The following ZNF611 variants were observed in gnomAD, a reference collection of about 807,000 sequenced individuals.
The protein encoded by ZNF611 is zinc finger protein 611.
In ZNF611, 6 loss-of-function variants were observed where a neutral mutation model predicts 8.9. That is an observed-to-expected ratio of 0.68 (90% CI 0.37 to 1.34). The LOEUF (loss-of-function observed/expected upper bound fraction) is 1.34, where lower values mean the gene tolerates loss of function less well. Ranked by LOEUF, ZNF611 falls within the 40% of genes most tolerant of loss-of-function variation. ZNF611 has a pLI of 0.02. For missense variants in ZNF611, 874 were observed against 841.3 expected, an observed-to-expected ratio of 1.04 and a Z score of -0.48; for synonymous variants, 262 against 279.7, an observed-to-expected ratio of 0.94 and a Z score of 0.63.
Position 52,716,157 on chromosome 19 carries a change from G to A in ZNF611, c.-19-244C>T, listed in dbSNP as rs144553214. 3,461 of 454,470 alleles carry A rather than the reference G, an allele frequency of 7.6e-3. 90 individuals carry two copies. The highest frequency in any genetic ancestry group is 0.059 in the African/African-American group (3,032 of 51,052). The allele number at this position is 454,470 out of a possible 1,614,324, so 28.2% of individuals were successfully genotyped here. On this transcript the variant is annotated intron_variant, in intron 3 of 5. Transcript: ENST00000652185. The stretch of plus-strand genomic sequence containing the variant: ...ACACACGAGGCAGCAGTGGGGAGCT[G>A]GGCTGGACTGATCTCCCCTTCAGGG...
Position 52,706,608 on chromosome 19 carries a change from G to C in ZNF611, c.447C>G (p.Asn149Lys). The change falls in exon 6 of 6, where the codon AAC becomes AAG. Residue 149 changes from asparagine (N) to lysine (K), a missense_variant. Asn to Lys is a moderately conservative substitution (Grantham distance 94). Coordinates refer to ENST00000652185, the MANE Select transcript of ZNF611 (RefSeq NM_001161499.2). ...ATCCAAGCTGATCTTTAATAGGCTT[G>C]TTTCCAGCATGCCTGTGATCATGTT... ...TDQHDHRHAG[N>K]KPIKDQLGSS... The C allele has an allele frequency of 6.2e-7, 1 of 1,614,130 alleles. No individual in the cohort carries two copies. Among genetic ancestry groups the C allele is most frequent in the Non-Finnish European group, 8.5e-7 (1 of 1,179,994 alleles).
intron 3 of ZNF611, among the ~76,000 whole-genome samples, chr19:52,722,048 T>G (rs73576374): frequency 1.3e-5 from 2 of 151,670 alleles, no homozygotes; most frequent in Non-Finnish European, 2.9e-5. Context: ...AAAACTCCAC[T>G]GCAAAATAAT....
chr19:52,714,716 A>ACACG (rs2062304512), intron 4 of ZNF611, among the ~76,000 whole-genome samples: 1 of 40,360 alleles, frequency 2.5e-5, no homozygotes, highest in Non-Finnish European at 4.5e-5. Flanking sequence ...AAACAAAAAA[A>ACACG]CAATGCCGGG....
chr19:52,719,268 C>A (rs1265830866), intron 3 of ZNF611, among the ~76,000 whole-genome samples: 4 of 152,114 alleles, frequency 2.6e-5, no homozygotes, highest in Non-Finnish European at 4.4e-5. Flanking sequence ...AAAAAGAGAA[C>A]AAAAGCACTT....
At chr19:52,727,567 A>T (rs1568609435) in intron 3 of ZNF611, among the ~76,000 whole-genome samples, 1 of 151,994 alleles carries the variant, frequency 6.6e-6, no homozygotes, top group Non-Finnish European at 1.5e-5. Context: ...CTAACACAAA[A>T]ATTAGCTGGA....
In ZNF611 at chr19:52,706,547, A is replaced by T. The variant is rs759270801; in HGVS notation, c.508T>A (p.Phe170Ile). 14 of 1,614,038 alleles carry T rather than the reference A, an allele frequency of 8.7e-6. No individual in the cohort carries two copies. The highest frequency in any genetic ancestry group is 1.6e-4 in the Middle Eastern group (1 of 6,084). The stretch of plus-strand genomic sequence containing the variant: ...TTACCAATTTCACCTTTGATCTGAA[A>T]TATGTGGAGTTCAGGCAGATGTGAA... The part of the protein sequence containing the change: ...FYSHLPELHI[F>I]QIKGEIGNQL... The change falls in exon 6 of 6, where the codon TTT (phenylalanine) becomes ATT (isoleucine). Residue 170 changes from phenylalanine to isoleucine, a missense_variant. Coordinates refer to ENST00000652185, the MANE Select transcript of ZNF611 (RefSeq NM_001161499.2).
intron 1 of ZNF611, among the ~76,000 whole-genome samples, chr19:52,733,147 T>G (rs1021811709): frequency 6.6e-6 from 1 of 152,126 alleles, no homozygotes; most frequent in African/African-American, 2.4e-5. Context: ...ATTTATAGAA[T>G]GTACATGTCT....
At chr19:52,719,470 T>G (rs1391355612) in intron 3 of ZNF611, among the ~76,000 whole-genome samples, 1 of 152,194 alleles carries the variant, frequency 6.6e-6, no homozygotes, top group South Asian at 2.1e-4. Context: ...CATTATAAAA[T>G]GCACCACACT....
intron 3 of ZNF611, among the ~76,000 whole-genome samples, chr19:52,726,880 T>G (rs1229493709): frequency 1.3e-5 from 2 of 152,172 alleles, no homozygotes; most frequent in African/African-American, 4.8e-5. Context: ...TTCCTTTTAC[T>G]TTTGAGACAG....
intron 1 of ZNF611, among the ~76,000 whole-genome samples, chr19:52,734,182 CTTAGGT>C (rs2062442388): frequency 8.4e-6 from 1 of 118,688 alleles, no homozygotes; most frequent in Non-Finnish European, 1.7e-5. Context: ...CTCCTGCTTT[CTTAGGT>C]TTTTTTTTTT....
rs2062227712 is a variant in ZNF611 at position 52,704,796 on chromosome 19, T to C, written c.*141A>G. On this transcript the variant is annotated 3_prime_UTR_variant, in exon 6 of 6. Transcript: ENST00000652185. ...TGTAAGGTTTCTCTCCAGTGTGAAG[T>C]CCAGTATGTTGTTCCAGGTGTGAAT... 6.3e-7 allele frequency: 1 copy of C among 1,595,428 alleles called. No homozygotes were observed. The highest frequency in any genetic ancestry group is 1.1e-5 in the South Asian group (1 of 90,530).
Position 52,716,174 on chromosome 19 carries a change from C to T in ZNF611, c.-19-261G>A, listed in dbSNP as rs573741633. ...GGGGAGCTGGGCTGGACTGATCTCC[C>T]CTTCAGGGCACAGACTCATCCTTCA... On this transcript the variant is annotated intron_variant, in intron 3 of 5. Transcript: ENST00000652185. The T allele has an allele frequency of 2.5e-5, 10 of 393,402 alleles. 1 individual carries two copies. Among genetic ancestry groups the T allele is most frequent in the South Asian group, 2.5e-4 (6 of 24,362 alleles). 24.4% of individuals were successfully genotyped at this position (393,402 alleles called of 1,614,324 possible). A position where few individuals can be genotyped will look rare whatever the true frequency, so the allele number is the denominator to read the frequency against.
At chr19:52,734,453 C>T (rs896450525) in intron 1 of ZNF611, among the ~76,000 whole-genome samples, 12 of 150,986 alleles carry the variant, frequency 7.9e-5, no homozygotes, top group African/African-American at 2.7e-4. Flanking sequence ...GGGACCTCCC[C>T]AGTGCAGGTT....
intron 3 of ZNF611, among the ~76,000 whole-genome samples, chr19:52,719,456 C>T (rs1385024206): frequency 6.6e-6 from 1 of 152,102 alleles, no homozygotes; most frequent in Non-Finnish European, 1.5e-5. Context: ...GCCTCTGATG[C>T]CATCATTATA....
intron 3 of ZNF611, among the ~76,000 whole-genome samples, chr19:52,722,493 G>A (rs1344296420): frequency 6.6e-6 from 1 of 152,054 alleles, no homozygotes. Flanking sequence ...CTGGGAAAAG[G>A]GAAGAAACTG....
rs1234952817 is a variant in ZNF611, at chr19:52,715,862, T to C, written c.33A>G (p.Lys11=). ...GAAGAGCCATGCCTGGCTCCTTTCC[T>C]TTCCTCTTCTGAGCTGCTTCCTCAC... MLREEAAQKR[K]GKEPGMALPQ... is the part of the protein sequence containing the mutation. The change falls in exon 4 of 6, where the codon AAA becomes AAG. Residue 11 remains lysine, a synonymous_variant. Transcript: ENST00000652185. The C allele has an allele frequency of 2.5e-6, 4 of 1,613,302 alleles. No individual in the cohort carries two copies. Among genetic ancestry groups the C allele is most frequent in the African/African-American group, 1.3e-5 (1 of 75,056 alleles).
intron 3 of ZNF611, among the ~76,000 whole-genome samples, chr19:52,726,260 C>T (rs1327926650): frequency 6.6e-6 from 1 of 152,106 alleles, no homozygotes; most frequent in Non-Finnish European, 1.5e-5. Context: ...GGGATGCGGG[C>T]GTGAGGCCGG....
intron 3 of ZNF611, among the ~76,000 whole-genome samples, chr19:52,716,643 A>C (rs1465073034): frequency 6.6e-6 from 1 of 152,136 alleles, no homozygotes; most frequent in Non-Finnish European, 1.5e-5. Context: ...TCACTAAGCA[A>C]AAGGGAAAAG....
chr19:52,731,077 G>T (rs918009244), intron 1 of ZNF611, among the ~76,000 whole-genome samples: 2 of 151,168 alleles, frequency 1.3e-5, no homozygotes, highest in Admixed American at 6.6e-5. Context: ...TTTTGGGGGT[G>T]GGGGAGACAG....
Sources: gnomAD v4.1 joint callset for allele counts (sites outside exome capture counted in the v4.1 genomes callset) on GRCh38, gnomAD v4.1.1 for gene constraint, MANE v1.5 for transcripts, NCBI Gene and HGNC (gene_info 2026-07-23, HGNC 2026-07-21) for gene names.